The following BLNK variants were observed in gnomAD, a reference collection of about 807,000 sequenced individuals.
BLNK encodes the protein B-cell linker protein.
Under a neutral mutation model 73.5 loss-of-function variants are expected in BLNK, and 29 were observed. The ratio of observed to expected loss-of-function variants is 0.39; its 90% CI spans 0.29 to 0.54. The LOEUF (loss-of-function observed/expected upper bound fraction) is 0.54, where lower values mean the gene tolerates loss of function less well. BLNK is among the 20% of genes least tolerant of loss of function. The pLI, the probability that BLNK is intolerant of heterozygous loss-of-function variation, is 0.61. For synonymous variants in BLNK, 176 were observed against 200.8 expected (o/e 0.88, Z 1.04); for missense variants, 460 against 562.8 (o/e 0.82, Z 1.85).
chr10:96,210,048 T>C (rs939046291), intron 8 of BLNK, 141 bp from the exon 9 acceptor site: 1 of 867,980 alleles, frequency 1.2e-6, no homozygotes, highest in Non-Finnish European at 1.9e-6. Flanking sequence ...GGTAGTTATA[T>C]TGAAGCTATT....
chr10:96,191,895 A>T lies in BLNK; in HGVS notation c.*78T>A, dbSNP rs1303359338. On this transcript the variant is annotated 3_prime_UTR_variant, in exon 17 of 17. Transcript: ENST00000224337. ...GGATGATTCATAATCCAAAATATGA[A>T]GTTTTGGGACTTTTTCTCAAAAGGA... The T allele has an allele frequency of 1.7e-5, 26 of 1,567,466 alleles. No individual in the cohort carries two copies. Among genetic ancestry groups the T allele is most frequent in the African/African-American group, 2.7e-5 (2 of 73,686 alleles).
chr10:96,226,852 A>C lies in BLNK; in HGVS notation c.361+558T>G, dbSNP rs587698827. Among the ~76,000 whole-genome samples the C allele has an allele frequency of 1.6e-3, 240 of 150,816 alleles. 1 individual carries two copies. Among genetic ancestry groups the C allele is most frequent in the African/African-American group, 5.3e-3 (217 of 41,064 alleles). On this transcript the variant is annotated intron_variant, in intron 5 of 16. Coordinates refer to ENST00000224337, the MANE Select transcript of BLNK (RefSeq NM_013314.4). ...CTCTGTCGCAAAAAAACAAAACAAA[A>C]CAAAAAAAAAAACAGACCCAAGCTG... is the stretch of plus-strand genomic sequence containing the variant.
chr10:96,267,215 A>G (rs1007753005), intron 1 of BLNK, among the ~76,000 whole-genome samples: 1 of 152,204 alleles, frequency 6.6e-6, no homozygotes, highest in African/African-American at 2.4e-5. Flanking sequence ...AAATGTTCTC[A>G]TTTTGTAGTT....
chr10:96,259,109 A>G (rs12411820), intron 1 of BLNK, among the ~76,000 whole-genome samples: 11,003 of 152,234 alleles, frequency 0.072, 1,199 homozygotes, highest in East Asian at 0.54. Flanking sequence ...ACTTGTTTCA[A>G]CTTGGCCCCT....
At chr10:96,229,654 C>CTGTGTGTGTGTGTG (rs10625497) in intron 4 of BLNK, among the ~76,000 whole-genome samples, 1,890 of 142,628 alleles carry the variant, frequency 0.013, 44 homozygotes, top group African/African-American at 0.043. Context: ...TTACATGTGG[C>CTGTGTGTGTGTGTG]TGTGTGTGTG....
At chr10:96,254,499 G>GTTT (rs113008211) in intron 1 of BLNK, among the ~76,000 whole-genome samples, 2 of 146,454 alleles carry the variant, frequency 1.4e-5, no homozygotes, top group African/African-American at 5.1e-5. Flanking sequence ...TCTTCAATGA[G>GTTT]TTTTTTTTTT....
At chr10:96,249,472 T>C (rs1843186644) in intron 1 of BLNK, among the ~76,000 whole-genome samples, 2 of 152,254 alleles carry the variant, frequency 1.3e-5, no homozygotes, top group Non-Finnish European at 2.9e-5. Flanking sequence ...ATGCTGGTGC[T>C]CTGCTGGGTC....
intron 1 of BLNK, among the ~76,000 whole-genome samples, chr10:96,261,395 C>G (rs1554912780): frequency 6.6e-6 from 1 of 152,106 alleles, no homozygotes; most frequent in African/African-American, 2.4e-5. Context: ...AACCCCAGAC[C>G]CATGAAGCAG....
intron 6 of BLNK, among the ~76,000 whole-genome samples, 198 bp from the exon 7 acceptor site, chr10:96,216,932 C>T (rs2084081217): frequency 6.6e-6 from 1 of 152,146 alleles, no homozygotes; most frequent in African/African-American, 2.4e-5. Context: ...AATTTTAGGA[C>T]ATTTTTATGC....
chr10:96,211,666 T>G (rs112169736), intron 8 of BLNK, among the ~76,000 whole-genome samples: 1,904 of 152,352 alleles, frequency 0.012, 19 homozygotes, highest in Non-Finnish European at 0.016. Flanking sequence ...CCATGACAGC[T>G]GTCTTCCACG....
At position 96,229,654 on chromosome 10, in the gene BLNK, C is replaced by CTGTGTGTGTGTGTGTGTG. The variant is rs10625497; in HGVS notation, c.204+1122_204+1139dup. Among the ~76,000 whole-genome samples, 157 of 142,654 alleles carry CTGTGTGTGTGTGTGTGTG rather than the reference C, an allele frequency of 1.1e-3. 1 individual carries two copies. Among genetic ancestry groups the CTGTGTGTGTGTGTGTGTG allele is most frequent in the South Asian group, 3.7e-3 (16 of 4,268 alleles). 93.6% of individuals were successfully genotyped at this position (142,654 alleles called of 152,430 possible). On this transcript the variant is annotated intron_variant, in intron 4 of 16. Coordinates refer to ENST00000224337, the MANE Select transcript of BLNK (RefSeq NM_013314.4). ...AGCAATTTCTTTGCTTTACATGTGG[C>CTGTGTGTGTGTGTGTGTG]TGTGTGTGTGTGTGTGTGTGTGTGT... is the stretch of plus-strand genomic sequence containing the variant.
intron 1 of BLNK, among the ~76,000 whole-genome samples, chr10:96,266,373 G>C (rs1844004639): frequency 1.3e-5 from 2 of 152,224 alleles, no homozygotes; most frequent in South Asian, 4.1e-4. Flanking sequence ...GTGTTGTTCA[G>C]CCATGGTACA....
intron 3 of BLNK, among the ~76,000 whole-genome samples, chr10:96,233,784 T>A (rs1298850275): frequency 2.0e-5 from 3 of 152,216 alleles, no homozygotes; most frequent in Non-Finnish European, 4.4e-5. Flanking sequence ...GTTGTTCATG[T>A]CTCTCTGTAC....
chr10:96,210,801 A>G (rs1429708754), intron 8 of BLNK, among the ~76,000 whole-genome samples: 1 of 151,418 alleles, frequency 6.6e-6, no homozygotes, highest in Admixed American at 6.6e-5. Flanking sequence ...CTCTTCATTA[A>G]CTTAACTGAA....
rs999025801 is a variant in BLNK, at chr10:96,201,799, T to C, written c.935-741A>G. ...GTTTCTCTGCCATGGATCAAAGGCA[T>C]TGGGGATATACAGCAGTTAACAAAA... On this transcript the variant is annotated intron_variant, in intron 13 of 16. Transcript: ENST00000224337. Among the ~76,000 whole-genome samples the C allele has an allele frequency of 2.0e-5, 3 of 152,282 alleles. No homozygotes were observed. The East Asian group carries it at 5.8e-4, about 29-fold the overall frequency.
intron 1 of BLNK, among the ~76,000 whole-genome samples, chr10:96,256,564 G>A (rs1436900501): frequency 6.6e-6 from 1 of 151,842 alleles, no homozygotes; most frequent in African/African-American, 2.4e-5. Context: ...CTATATGATA[G>A]AAAATTGAAA....
At chr10:96,208,156 T>C (rs2083866300) in intron 9 of BLNK, among the ~76,000 whole-genome samples, 2 of 152,126 alleles carry the variant, frequency 1.3e-5, no homozygotes, top group Admixed American at 1.3e-4. Context: ...AACTGGACTC[T>C]TGCACCAGTT....
chr10:96,207,995 T>C (rs1591308173), intron 9 of BLNK, 96 bp from the exon 10 acceptor site: 1 of 1,316,678 alleles, frequency 7.6e-7, no homozygotes, highest in Admixed American at 1.7e-5. Context: ...GCTAGAATTA[T>C]GAAAGCGATA....
chr10:96,224,563 C>T (rs1554902027), intron 5 of BLNK, among the ~76,000 whole-genome samples: 1 of 152,216 alleles, frequency 6.6e-6, no homozygotes, highest in Non-Finnish European at 1.5e-5. Flanking sequence ...CATCAGGTAT[C>T]AGAAAAGGAG....
Sources: allele counts gnomAD v4.1 joint callset (sites outside exome capture counted in the v4.1 genomes callset), GRCh38; gene constraint gnomAD v4.1.1; transcripts MANE v1.5; gene names NCBI Gene and HGNC (gene_info 2026-07-23, HGNC 2026-07-21).